C8orf34: variants seen among roughly 807,000 people sequenced by gnomAD.
C8orf34 encodes chromosome 8 open reading frame 34, also known as uncharacterized protein C8orf34.
Under a neutral mutation model 68.3 loss-of-function variants are expected in C8orf34, and 65 were observed. That is an observed-to-expected ratio of 0.95 (90% CI 0.78 to 1.17). C8orf34 has a LOEUF of 1.17. C8orf34 is among the 50% of genes most tolerant of loss of function. The pLI, the probability that C8orf34 is intolerant of heterozygous loss-of-function variation, is 0.00. For synonymous variants in C8orf34, 244 were observed against 241.2 expected (o/e 1.01, Z -0.11); for missense variants, 664 against 655.4 (o/e 1.01, Z -0.14).
At chr8:68,381,458 C>T (rs1009298328) in intron 1 of C8orf34, among the ~76,000 whole-genome samples, 14 of 152,114 alleles carry the variant, frequency 9.2e-5, no homozygotes, top group Non-Finnish European at 1.8e-4. Flanking sequence ...TAAGGCCGGG[C>T]GCGGTGGCTC....
chr8:68,684,797 A>AT (rs993375561), intron 8 of C8orf34, among the ~76,000 whole-genome samples: 4 of 151,324 alleles, frequency 2.6e-5, no homozygotes, highest in East Asian at 1.9e-4. Context: ...AAAAAAAAAT[A>AT]TTTTTTTTAA....
intron 7 of C8orf34, among the ~76,000 whole-genome samples, chr8:68,551,704 G>C (rs1258769237): frequency 6.6e-6 from 1 of 152,014 alleles, no homozygotes; most frequent in Admixed American, 6.6e-5. Flanking sequence ...GTGTTCTATA[G>C]TCTCATGATT....
intron 7 of C8orf34, among the ~76,000 whole-genome samples, chr8:68,570,323 A>C (rs1318810149): frequency 6.6e-6 from 1 of 152,222 alleles, no homozygotes; most frequent in Non-Finnish European, 1.5e-5. Context: ...ACTTGTTCTC[A>C]TGAATCTAGC....
chr8:68,607,297 T>C (rs1383817455), intron 7 of C8orf34, among the ~76,000 whole-genome samples: 6 of 152,154 alleles, frequency 3.9e-5, no homozygotes, highest in Non-Finnish European at 8.8e-5. Flanking sequence ...AATAACGTAC[T>C]GTAGGGTGGG....
At chr8:68,602,396 A>G (rs1044683649) in intron 7 of C8orf34, among the ~76,000 whole-genome samples, 2 of 152,186 alleles carry the variant, frequency 1.3e-5, no homozygotes, top group African/African-American at 4.8e-5. Flanking sequence ...ACTTACAATC[A>G]TGGTAGAAAG....
chr8:68,403,706 A>G (rs149494825), intron 1 of C8orf34, among the ~76,000 whole-genome samples: 18 of 152,284 alleles, frequency 1.2e-4, no homozygotes, highest in African/African-American at 4.1e-4. Context: ...CCTGCAAAGG[A>G]CATGAACTCA....
At chr8:68,538,502 A>G (rs1361475238) in intron 7 of C8orf34, among the ~76,000 whole-genome samples, 1 of 152,016 alleles carries the variant, frequency 6.6e-6, no homozygotes, top group Non-Finnish European at 1.5e-5. Context: ...GCTAACAGGA[A>G]TATTTGACAA....
At chr8:68,601,054 T>C (rs1817683819) in intron 7 of C8orf34, among the ~76,000 whole-genome samples, 1 of 152,222 alleles carries the variant, frequency 6.6e-6, no homozygotes, top group Admixed American at 6.5e-5. Flanking sequence ...GGCAATTCTT[T>C]GCTTTCATCA....
chr8:68,712,478 A>G (rs1001183638), intron 9 of C8orf34, among the ~76,000 whole-genome samples: 11 of 152,176 alleles, frequency 7.2e-5, no homozygotes, highest in Non-Finnish European at 1.3e-4. Context: ...TATAAACTTA[A>G]GGTAAAGGGG....
chr8:68,751,058 C>T (rs987811053), intron 10 of C8orf34, among the ~76,000 whole-genome samples: 5 of 152,024 alleles, frequency 3.3e-5, no homozygotes, highest in Non-Finnish European at 7.4e-5. Flanking sequence ...GCACCGTGCA[C>T]AAAAGAATAG....
intron 11 of C8orf34, among the ~76,000 whole-genome samples, chr8:68,782,447 T>G (rs1823705492): frequency 1.6e-5 from 2 of 128,796 alleles, no homozygotes; most frequent in Admixed American, 7.6e-5. Flanking sequence ...TTTTTTTTTT[T>G]GCTGACTTTC....
At chr8:68,636,134 T>A (rs987125) in intron 7 of C8orf34, among the ~76,000 whole-genome samples, 21,047 of 152,132 alleles carry the variant, frequency 0.14, 1,522 homozygotes, top group Admixed American at 0.21. Context: ...AACTATCTTA[T>A]GCAATTGGTT....
At chr8:68,588,856 T>C (rs1486161275) in intron 7 of C8orf34, among the ~76,000 whole-genome samples, 5 of 152,158 alleles carry the variant, frequency 3.3e-5, no homozygotes, top group African/African-American at 1.2e-4. Flanking sequence ...AAACTTTTTC[T>C]GTAATGGATC....
At chr8:68,757,034 A>G (rs1353590414) in intron 10 of C8orf34, among the ~76,000 whole-genome samples, 1 of 152,208 alleles carries the variant, frequency 6.6e-6, no homozygotes. Flanking sequence ...AGATAAAAAA[A>G]GGTATCTTAG....
intron 8 of C8orf34, among the ~76,000 whole-genome samples, chr8:68,686,185 T>C (rs935265954): frequency 1.3e-5 from 2 of 152,038 alleles, no homozygotes; most frequent in African/African-American, 4.8e-5. Context: ...CCAGATGGAT[T>C]CACGGCTGAA....
intron 1 of C8orf34, among the ~76,000 whole-genome samples, chr8:68,421,487 C>T (rs1433881049): frequency 6.6e-6 from 1 of 152,206 alleles, no homozygotes; most frequent in Non-Finnish European, 1.5e-5. Context: ...CAAGCCCCAA[C>T]TCCTACTGTA....
chr8:68,554,138 G>A lies in C8orf34; in HGVS notation c.1105+20989G>A, dbSNP rs535577061. Among the ~76,000 whole-genome samples, 482 of 152,162 alleles carry A rather than the reference G, an allele frequency of 3.2e-3. 3 individuals are homozygous for A. The highest frequency in any genetic ancestry group is 3.6e-3 in the Non-Finnish European group (248 of 67,980). Reference sequence around the variant, plus strand: ...AATTTAACCTTTTAAAGGTTTTATAGTCTTGTTATATAAAGTTCACATTCA... The same window carrying A: ...AATTTAACCTTTTAAAGGTTTTATAATCTTGTTATATAAAGTTCACATTCA... On this transcript the variant is annotated intron_variant, in intron 7 of 13. Transcript: ENST00000518698.
intron 2 of C8orf34, among the ~76,000 whole-genome samples, chr8:68,442,178 A>G (rs1195637505): frequency 6.6e-6 from 1 of 152,154 alleles, no homozygotes; most frequent in East Asian, 1.9e-4. Flanking sequence ...ATATTTGCCA[A>G]GACAAGTGGT....
intron 11 of C8orf34, among the ~76,000 whole-genome samples, chr8:68,784,786 T>TTGTGTAG (rs1823794672): frequency 8.2e-6 from 1 of 121,392 alleles, no homozygotes; most frequent in Non-Finnish European, 1.7e-5. Context: ...ACTTCCATCA[T>TTGTGTAG]TGTGTATGTG....
Sources: allele counts gnomAD v4.1 joint callset (sites outside exome capture counted in the v4.1 genomes callset), GRCh38; gene constraint gnomAD v4.1.1; transcripts MANE v1.5; gene names NCBI Gene and HGNC (gene_info 2026-07-23, HGNC 2026-07-21).